MBD6: variants seen among roughly 807,000 people sequenced by gnomAD.
The protein encoded by MBD6 is methyl-CpG-binding domain protein 6.
A neutral mutation model predicts 66.8 loss-of-function variants in MBD6; 22 were observed. The observed-to-expected ratio is 0.33, with a 90% CI of 0.24 to 0.47. MBD6 has a LOEUF of 0.47. Ranked by LOEUF, MBD6 falls within the 20% of genes least tolerant of loss-of-function variation. The pLI, the probability that MBD6 is intolerant of heterozygous loss-of-function variation, is 1.00. For missense variants in MBD6, 1,322 were observed against 1,286.9 expected (o/e 1.03, Z -0.42); for synonymous variants, 540 against 534.6 (o/e 1.01, Z -0.14).
chr12:57,526,090 A>T lies in MBD6; in HGVS notation c.1122A>T (p.Arg374=). Residue 374 remains arginine, a synonymous_variant, in exon 6 of 13, where the codon CGA becomes CGT. Transcript: ENST00000355673. ...RRPRRPPTVF[R]LLEGRGPQTP... is the part of the protein sequence containing the mutation. ...CCCGCAGACCCCCTACTGTATTTCG[A>T]TTGCTAGAAGGGAGAGGCCCTCAAA... 4.3e-6 allele frequency: 7 copies of T among 1,612,742 alleles called. No individual in the cohort carries two copies. The highest frequency in any genetic ancestry group is 5.9e-6 in the Non-Finnish European group (7 of 1,179,730).
Position 57,529,890 on chromosome 12 carries a change from CAT to C in MBD6, c.*658_*659del, listed in dbSNP as rs906680444. On this transcript the variant is annotated 3_prime_UTR_variant, in exon 13 of 13. Coordinates refer to ENST00000355673, the MANE Select transcript of MBD6 (RefSeq NM_052897.4). The stretch of plus-strand genomic sequence containing the variant: ...AGAGAGCCCTCTGGGCCTCTCCTCC[CAT>C]ACACACTACACTGCCCCTTCTCCCC... The C allele has an allele frequency of 6.5e-6, 1 of 153,488 alleles. No individual in the cohort carries two copies. Among genetic ancestry groups the C allele is most frequent in the Admixed American group, 6.5e-5 (1 of 15,386 alleles). The allele number at this position is 153,488 out of a possible 1,614,324, so 9.5% of individuals were successfully genotyped here. A position where few individuals can be genotyped will look rare whatever the true frequency, so the allele number is the denominator to read the frequency against.
At chr12:57,527,435 T>C (rs1879076232) in intron 7 of MBD6, 72 bp from the exon 8 acceptor site, 1 of 1,542,340 alleles carries the variant, frequency 6.5e-7, no homozygotes, top group East Asian at 2.2e-5. Flanking sequence ...AGTCAGATAG[T>C]GGATGTGAAA....
chr12:57,525,696 G>A lies in MBD6; in HGVS notation c.728G>A (p.Gly243Asp), dbSNP rs1878852585. The change falls in exon 6 of 13, where the codon GGC becomes GAC. Residue 243 changes from glycine to aspartate, a missense_variant. Physicochemically the swap from Gly to Asp is moderately conservative, Grantham distance 94 (BLOSUM62 -1). Coordinates refer to ENST00000355673, the MANE Select transcript of MBD6 (RefSeq NM_052897.4). Reference protein sequence around the residue: ...LRSSLVPSDLGSPPAPHASSS... With the variant: ...LRSSLVPSDLDSPPAPHASSS... ...TCCAGCCTGGTGCCCTCTGACCTGG[G>A]CTCTCCTCCGGCCCCTCATGCCTCC... The A allele has an allele frequency of 6.2e-7, 1 of 1,613,990 alleles. No homozygotes were observed. The highest frequency in any genetic ancestry group is 8.5e-7 in the Non-Finnish European group (1 of 1,179,966).
In MBD6 at chr12:57,525,779, C is replaced by T; in HGVS notation, c.811C>T (p.Pro271Ser). The T allele has an allele frequency of 6.2e-7, 1 of 1,613,358 alleles. No homozygotes were observed. Among genetic ancestry groups the T allele is most frequent in the Admixed American group, 1.7e-5 (1 of 59,982 alleles). Residue 271 changes from proline to serine, a missense_variant, in exon 6 of 13, where the codon CCC becomes TCC. Coordinates refer to ENST00000355673, the MANE Select transcript of MBD6 (RefSeq NM_052897.4). ...CTGTAGTGATGCCTTAACACCCCCT[C>T]CCCTGCCCCCGAGCAATAATCTCCC... is the stretch of plus-strand genomic sequence containing the variant. ...FHCSDALTPP[P>S]LPPSNNLPAH...
upstream of MBD6, chr12:57,521,274 C>T (rs763980128): frequency 6.6e-6 from 1 of 152,294 alleles, no homozygotes; most frequent in Admixed American, 6.5e-5. Flanking sequence ...ATCAGCCTGA[C>T]CAACATGGTG....
rs772850261 is a variant in MBD6 at position 57,526,160 on chromosome 12, C to G, written c.1192C>G (p.Pro398Ala). 1 of 1,614,170 alleles carries G rather than the reference C, an allele frequency of 6.2e-7. No homozygotes were observed. The highest frequency in any genetic ancestry group is 1.1e-5 in the South Asian group (1 of 91,078). ...RPRAPAPVPQPFSLPEPSQPI... is the reference protein window; with the variant it reads ...RPRAPAPVPQAFSLPEPSQPI... ...TCGGGCCCCTGCTCCTGTCCCCCAA[C>G]CCTTTTCTCTCCCGGAGCCATCCCA... Residue 398 changes from proline to alanine, a missense_variant, in exon 6 of 13, where the codon CCC becomes GCC. Physicochemically the swap from Pro to Ala is conservative, Grantham distance 27 (BLOSUM62 -1). Transcript: ENST00000355673.
downstream of MBD6, chr12:57,530,607 A>T: frequency 8.2e-7 from 1 of 1,222,006 alleles, no homozygotes; most frequent in Non-Finnish European, 1.2e-6. Flanking sequence ...CTAGAGTTAT[A>T]GTAAAGGGGA....
intron 9 of MBD6, 42 bp from the exon 10 acceptor site, chr12:57,528,105 C>CG: frequency 6.5e-7 from 1 of 1,549,092 alleles, no homozygotes; most frequent in Non-Finnish European, 8.7e-7. Flanking sequence ...AGAAGAGGGA[C>CG]GGTATTTGAG....
At position 57,529,420 on chromosome 12, in the gene MBD6, C is replaced by G. The variant is rs1368976790; in HGVS notation, c.*186C>G. 5.7e-6 allele frequency: 3 copies of G among 529,794 alleles called. No individual in the cohort carries two copies. Among genetic ancestry groups the G allele is most frequent in the Non-Finnish European group, 9.9e-6 (3 of 302,510 alleles). The allele number at this position is 529,794 out of a possible 1,614,324, so 32.8% of individuals were successfully genotyped here. ...CATTGCAGGGGGCAGGGAAGTTCACCCCCCCCCACCACCCCCCCGCCCCCC... is the reference window on the plus strand; with the variant it reads ...CATTGCAGGGGGCAGGGAAGTTCACGCCCCCCCACCACCCCCCCGCCCCCC... On this transcript the variant is annotated 3_prime_UTR_variant, in exon 13 of 13. Coordinates refer to ENST00000355673, the MANE Select transcript of MBD6 (RefSeq NM_052897.4).
intron 3 of MBD6, 25 bp from the exon 4 acceptor site, chr12:57,524,695 G>A (rs367735698): frequency 6.9e-5 from 111 of 1,609,400 alleles, no homozygotes; most frequent in Non-Finnish European, 9.4e-5. Flanking sequence ...CTAACCCCAT[G>A]TCCTCTGACC....
chr12:57,525,290 C>CA, intron 5 of MBD6, 58 bp from the exon 6 acceptor site: 1 of 1,520,622 alleles, frequency 6.6e-7, no homozygotes, highest in Non-Finnish European at 8.8e-7. Context: ...CTAGAGAAGA[C>CA]AAAAGAGTTT....
intron 3 of MBD6, 106 bp downstream of exon 3, chr12:57,524,522 C>A: frequency 8.7e-7 from 1 of 1,152,732 alleles, no homozygotes; most frequent in Non-Finnish European, 1.3e-6. Context: ...TTGCTCTCCT[C>A]TCTTCCCCTT....
rs186503358 is a variant in MBD6, at chr12:57,528,471, C to G, written c.2731C>G (p.His911Asp). Residue 911 changes from histidine to aspartate, a missense_variant, in exon 10 of 13, where the codon CAC becomes GAC. His to Asp is a moderately conservative substitution (Grantham distance 81). Transcript: ENST00000355673. Reference protein sequence around the residue: ...GQMERSPRRTHHWQHNGELAE... With the variant: ...GQMERSPRRTDHWQHNGELAE... ...AATGGAAAGGTCCCCAAGAAGAACCCACCATTGGCAGCATAATGGGGAGCT... is the reference window on the plus strand; with the variant it reads ...AATGGAAAGGTCCCCAAGAAGAACCGACCATTGGCAGCATAATGGGGAGCT... 1.1e-4 allele frequency: 173 copies of G among 1,613,954 alleles called. 1 individual carries two copies. The East Asian group carries it at 3.8e-3, about 36-fold the overall frequency.
At position 57,526,030 on chromosome 12, in the gene MBD6, C is replaced by T. The variant is rs775070277; in HGVS notation, c.1062C>T (p.Ser354=). The T allele has an allele frequency of 3.1e-6, 5 of 1,614,040 alleles. No homozygotes were observed. The highest frequency in any genetic ancestry group is 1.1e-5 in the South Asian group (1 of 91,082). The change falls in exon 6 of 13, where the codon TCC becomes TCT. Residue 354 remains serine (S), a synonymous_variant. Coordinates refer to ENST00000355673, the MANE Select transcript of MBD6 (RefSeq NM_052897.4). ...RRPRAQAPSA[S]HSSSLRPSQR... ...CCCGTGCCCAGGCACCCTCAGCTTCCCACTCCTCATCACTTCGTCCCTCTC... is the reference window on the plus strand; with the variant it reads ...CCCGTGCCCAGGCACCCTCAGCTTCTCACTCCTCATCACTTCGTCCCTCTC...
intron 3 of MBD6, 68 bp downstream of exon 3, chr12:57,524,484 T>G: frequency 7.3e-7 from 1 of 1,368,622 alleles, no homozygotes. Flanking sequence ...TTCCGTTTCT[T>G]CTCTCAGCTC....
At chr12:57,526,410 C>T (rs752042617) in intron 6 of MBD6, 22 bp downstream of exon 6, 84 of 1,543,296 alleles carry the variant, frequency 5.4e-5, no homozygotes, top group Non-Finnish European at 7.2e-5. Context: ...TTGTGGAGCC[C>T]TTCCTCATCC....
Position 57,529,305 on chromosome 12 carries a change from AGCCACCT to A in MBD6, c.*74_*80del, listed in dbSNP as rs1879361518. 2.0e-6 allele frequency: 3 copies of A among 1,517,530 alleles called. No homozygotes were observed. The highest frequency in any genetic ancestry group is 2.7e-6 in the Non-Finnish European group (3 of 1,097,356). 94.0% of individuals were successfully genotyped at this position (1,517,530 alleles called of 1,614,324 possible). A position where few individuals can be genotyped will look rare whatever the true frequency, so the allele number is the denominator to read the frequency against. ...GTGCTGAGCCTTGGGAGCCCCTGCC[AGCCACCT>A]GCACCTGTGGACAGTGGGTGGGGGC... is the stretch of plus-strand genomic sequence containing the variant. On this transcript the variant is annotated 3_prime_UTR_variant, in exon 13 of 13. Transcript: ENST00000355673.
intron 8 of MBD6, 81 bp downstream of exon 8, chr12:57,527,741 G>C: frequency 6.4e-7 from 1 of 1,552,024 alleles, no homozygotes; most frequent in Non-Finnish European, 8.7e-7. Context: ...TGAATAAATT[G>C]GGGAAGAAAG....
At chr12:57,523,369 G>A (rs1453276470) in intron 1 of MBD6, 2 of 152,304 alleles carry the variant, frequency 1.3e-5, no homozygotes, top group East Asian at 3.9e-4. Flanking sequence ...GAGGATACCT[G>A]CAGGTTGGAG....
Sources: allele counts gnomAD v4.1 joint callset, GRCh38; gene constraint gnomAD v4.1.1; transcripts MANE v1.5; gene names NCBI Gene and HGNC (gene_info 2026-07-23, HGNC 2026-07-21).